Variants in TMEM269 observed in about 807,000 individuals in gnomAD.
TMEM269 encodes the protein transmembrane protein 269.
TMEM269 carries 12 observed loss-of-function variants against 15.8 expected under a neutral mutation model. The ratio of observed to expected loss-of-function variants is 0.76; its 90% CI spans 0.49 to 1.23. The LOEUF (loss-of-function observed/expected upper bound fraction) is 1.23. Ranked by LOEUF, TMEM269 falls within the 50% of genes most tolerant of loss-of-function variation. The probability of loss-of-function intolerance (pLI) is 0.00; values close to 1 mark genes in which losing one functional copy is unlikely to be tolerated. For missense variants in TMEM269, 211 were observed against 245.4 expected (o/e 0.86, Z 0.94); for synonymous variants, 93 against 99.3 (o/e 0.94, Z 0.38).
chr1:42,796,157 G>A (rs914573838), intron 5 of TMEM269, among the ~76,000 whole-genome samples: 1 of 152,172 alleles, frequency 6.6e-6, no homozygotes, highest in East Asian at 1.9e-4. Context: ...TAAATCCTCT[G>A]GCACAGATGT....
Position 42,792,869 on chromosome 1 carries a change from A to G in TMEM269, c.106A>G (p.Met36Val). 6.4e-7 allele frequency: 1 copy of G among 1,550,506 alleles called. No individual in the cohort carries two copies. Among genetic ancestry groups the G allele is most frequent in the Non-Finnish European group, 8.7e-7 (1 of 1,146,996 alleles). ...CCTGTTAGACATGGCAGTCAGGGCA[A>G]TGACCAGCCACATCAACATATGCTC... is the stretch of plus-strand genomic sequence containing the variant. ...SFLLDMAVRA[M>V]TSHINICSKL... Residue 36 changes from methionine (M) to valine (V), a missense_variant, in exon 3 of 6, where the codon ATG becomes GTG. By Grantham distance (21) the Met-to-Val change is conservative (BLOSUM62 1). Transcript: ENST00000637012.
At chr1:42,785,336 G>T (rs935191889) in intron 1 of TMEM269, among the ~76,000 whole-genome samples, 1 of 152,282 alleles carries the variant, frequency 6.6e-6, no homozygotes, top group East Asian at 1.9e-4. Flanking sequence ...CGGCGTCGTC[G>T]CCGTGCCTGT....
chr1:42,795,597 A>T (rs1653777968), intron 5 of TMEM269, among the ~76,000 whole-genome samples: 1 of 152,136 alleles, frequency 6.6e-6, no homozygotes, highest in Non-Finnish European at 1.5e-5. Flanking sequence ...AGGAAGGAGG[A>T]GGAGACATGG....
chr1:42,794,646 A>G lies in TMEM269; in HGVS notation c.484+33A>G, dbSNP rs1347509667. ...AAAATGTCACTATGGCCAGTTTGTT[A>G]TCACAGTTGCTTATTGCCACTGTAC... On this transcript the variant is annotated intron_variant, in intron 5 of 5. Coordinates refer to ENST00000637012, the MANE Select transcript of TMEM269 (RefSeq NM_001354602.2). 24 of 1,468,716 alleles carry G rather than the reference A, an allele frequency of 1.6e-5. No individual in the cohort carries two copies. The South Asian group carries it at 2.3e-4, about 14-fold the overall frequency. The allele number at this position is 1,468,716 out of a possible 1,614,324, so 91.0% of individuals were successfully genotyped here.
At chr1:42,785,531 G>T (rs545483618) in intron 1 of TMEM269, among the ~76,000 whole-genome samples, 4 of 151,574 alleles carry the variant, frequency 2.6e-5, no homozygotes, top group African/African-American at 9.7e-5. Flanking sequence ...TCTCCTGGCC[G>T]GTTTCCTTTT....
chr1:42,791,090 A>G (rs1433920966), intron 2 of TMEM269, among the ~76,000 whole-genome samples: 1 of 152,196 alleles, frequency 6.6e-6, no homozygotes, highest in African/African-American at 2.4e-5. Flanking sequence ...GCATCAAAAT[A>G]CATGAGGCAA....
At position 42,800,252 on chromosome 1, in the gene TMEM269, C is replaced by A. The variant is rs1570509531; in HGVS notation, c.*2027C>A. The A allele has an allele frequency of 6.6e-6, 1 of 152,100 alleles. No homozygotes were observed. The highest frequency in any genetic ancestry group is 6.6e-5 in the Admixed American group (1 of 15,264). The allele number at this position is 152,100 out of a possible 1,614,324, so 9.4% of individuals were successfully genotyped here. A position where few individuals can be genotyped will look rare whatever the true frequency, so the allele number is the denominator to read the frequency against. On this transcript the variant is annotated 3_prime_UTR_variant, in exon 6 of 6. Transcript: ENST00000637012. ...AGGATAGTTATAGGTCAGCTGACAG[C>A]CGGTTAACAGAGGGATCTATGCTTC...
rs745598689 is a variant in TMEM269, at chr1:42,799,375, C to T, written c.*1150C>T. The T allele has an allele frequency of 2.6e-5, 4 of 152,022 alleles. No individual in the cohort carries two copies. The highest frequency in any genetic ancestry group is 5.9e-5 in the Non-Finnish European group (4 of 68,040). 9.4% of individuals were successfully genotyped at this position (152,022 alleles called of 1,614,324 possible). On this transcript the variant is annotated 3_prime_UTR_variant, in exon 6 of 6. Coordinates refer to ENST00000637012, the MANE Select transcript of TMEM269 (RefSeq NM_001354602.2). The stretch of plus-strand genomic sequence containing the variant: ...TCCACCCTCAGAGACTGTGCCAGAA[C>T]ACCTTCTACCCTGGATATAACTTTT...
Position 42,792,917 on chromosome 1 carries a change from C to A in TMEM269, c.139+15C>A. The stretch of plus-strand genomic sequence containing the variant: ...CTCCAAATTGGGTGAGTTCAGGCCC[C>A]AGGCCCCTAATCCTTGCCCCCAGTA... On this transcript the variant is annotated intron_variant, in intron 3 of 5. Coordinates refer to ENST00000637012, the MANE Select transcript of TMEM269 (RefSeq NM_001354602.2). 1 of 1,543,460 alleles carries A rather than the reference C, an allele frequency of 6.5e-7. No individual in the cohort carries two copies. The highest frequency in any genetic ancestry group is 8.8e-7 in the Non-Finnish European group (1 of 1,140,836).
rs1261344691 is a variant in TMEM269 at position 42,798,845 on chromosome 1, G to C, written c.*620G>C. 1 of 138,348 alleles carries C rather than the reference G, an allele frequency of 7.2e-6. No individual in the cohort carries two copies. The highest frequency in any genetic ancestry group is 2.7e-5 in the African/African-American group (1 of 37,020). 8.6% of individuals were successfully genotyped at this position (138,348 alleles called of 1,614,324 possible). Reference sequence around the variant, plus strand: ...GCAGGCTCCGCCCCCCGGGATTCACGCCATTCTCCTGCCTCAGCCTCCCGC... The same window carrying C: ...GCAGGCTCCGCCCCCCGGGATTCACCCCATTCTCCTGCCTCAGCCTCCCGC... On this transcript the variant is annotated 3_prime_UTR_variant, in exon 6 of 6. Coordinates refer to ENST00000637012, the MANE Select transcript of TMEM269 (RefSeq NM_001354602.2).
At chr1:42,794,779 C>T (rs555169882) in intron 5 of TMEM269, among the ~76,000 whole-genome samples, 166 bp downstream of exon 5, 1 of 152,284 alleles carries the variant, frequency 6.6e-6, no homozygotes, top group East Asian at 1.9e-4. Context: ...AAACACTAAA[C>T]CTACCCCCAA....
At chr1:42,791,447 C>T (rs549881696) in intron 2 of TMEM269, among the ~76,000 whole-genome samples, 1 of 152,222 alleles carries the variant, frequency 6.6e-6, no homozygotes, top group East Asian at 1.9e-4. Flanking sequence ...GGAGATTAAA[C>T]AACACACTTC....
chr1:42,797,903 G>A lies in TMEM269; in HGVS notation c.485-195G>A. On this transcript the variant is annotated intron_variant, in intron 5 of 5. Coordinates refer to ENST00000637012, the MANE Select transcript of TMEM269 (RefSeq NM_001354602.2). This position sits in a 1 kb window ranked among gnomAD's most constrained non-coding sequence, Gnocchi z 4.9. ...ACAGTGGAACCTGAGACTGCATTGG[G>A]CTATACTTCTCTAGTTACTTACCTA... 2 of 698,324 alleles carry A rather than the reference G, an allele frequency of 2.9e-6. No individual in the cohort carries two copies. Among genetic ancestry groups the A allele is most frequent in the Non-Finnish European group, 5.3e-6 (2 of 375,706 alleles). The allele number at this position is 698,324 out of a possible 1,614,324, so 43.3% of individuals were successfully genotyped here. A position where few individuals can be genotyped will look rare whatever the true frequency, so the allele number is the denominator to read the frequency against.
At chr1:42,787,370 G>A (rs1653561521) in intron 1 of TMEM269, among the ~76,000 whole-genome samples, 1 of 151,774 alleles carries the variant, frequency 6.6e-6, no homozygotes, top group Non-Finnish European at 1.5e-5. Context: ...GGAGGCCGAG[G>A]CGGGTGGATC....
At chr1:42,791,956 C>T (rs1481524638) in intron 2 of TMEM269, among the ~76,000 whole-genome samples, 2 of 152,064 alleles carry the variant, frequency 1.3e-5, no homozygotes, top group African/African-American at 2.4e-5. Context: ...GAGTGGAGAT[C>T]GTGCCACTGC....
chr1:42,789,419 G>A lies in TMEM269; in HGVS notation c.-98-377G>A, dbSNP rs536459889. On this transcript the variant is annotated intron_variant, in intron 1 of 5. Transcript: ENST00000637012. ...AAGCCAACCCTTCGTCAGTGACAAGGGCCCACCTCTCAGATGGGAGAAGGG... is the reference window on the plus strand; with the variant it reads ...AAGCCAACCCTTCGTCAGTGACAAGAGCCCACCTCTCAGATGGGAGAAGGG... 8 of 1,535,132 alleles carry A rather than the reference G, an allele frequency of 5.2e-6. No individual in the cohort carries two copies. The East Asian group carries it at 7.3e-5, about 14-fold the overall frequency.
Position 42,788,441 on chromosome 1 carries a change from G to A in TMEM269, c.-98-1355G>A, listed in dbSNP as rs986495220. Among the ~76,000 whole-genome samples, 13 of 152,272 alleles carry A rather than the reference G, an allele frequency of 8.5e-5. No homozygotes were observed. The highest frequency in any genetic ancestry group is 3.1e-4 in the African/African-American group (13 of 41,562). On this transcript the variant is annotated intron_variant, in intron 1 of 5. Transcript: ENST00000637012. This position sits in a 1 kb window ranked among gnomAD's most constrained non-coding sequence, Gnocchi z 4.0. The stretch of plus-strand genomic sequence containing the variant: ...GAGGAATGGGGCTCTTTCTCCAAGA[G>A]ACTCAGTTTCTCAAGCAGATTGAGT...
intron 1 of TMEM269, among the ~76,000 whole-genome samples, chr1:42,789,075 G>A (rs1557591149): frequency 6.6e-6 from 1 of 151,716 alleles, no homozygotes; most frequent in Non-Finnish European, 1.5e-5. Context: ...GGCATGCACC[G>A]CCACACCCGG....
rs750700635 is a variant in TMEM269 at position 42,793,714 on chromosome 1, G to A, written c.253G>A (p.Ala85Thr). The stretch of plus-strand genomic sequence containing the variant: ...CCTGGCCATCATCTATGTGTCAGCT[G>A]CTTCTTTCCACTTGTGCTTTTATTC... Reference protein sequence around the residue: ...GILAIIYVSAASFHLCFYSPG... With the variant: ...GILAIIYVSATSFHLCFYSPG... The change falls in exon 4 of 6, where the codon GCT (alanine) becomes ACT (threonine). Residue 85 changes from alanine (A) to threonine (T), a missense_variant. Transcript: ENST00000637012. 4 of 1,550,456 alleles carry A rather than the reference G, an allele frequency of 2.6e-6. No individual in the cohort carries two copies. The Admixed American group carries it at 7.8e-5, about 30-fold the overall frequency.
Sources: gnomAD v4.1 joint callset for allele counts (sites outside exome capture counted in the v4.1 genomes callset) on GRCh38, gnomAD v4.1.1 for gene constraint, Gnocchi (gnomAD v3.1) non-coding constraint, MANE v1.5 for transcripts, NCBI Gene and HGNC (gene_info 2026-07-23, HGNC 2026-07-21) for gene names.